COL24A1: variants seen among roughly 807,000 people sequenced by gnomAD.
The protein encoded by COL24A1 is collagen type XXIV alpha 1 chain.
In COL24A1, 224 loss-of-function variants were observed where a neutral mutation model predicts 253.9. That is an observed-to-expected ratio of 0.88 (90% CI 0.79 to 0.99). The LOEUF (loss-of-function observed/expected upper bound fraction) is 0.99, where lower values mean the gene tolerates loss of function less well. Ranked by LOEUF, COL24A1 falls within the 50% of genes least tolerant of loss-of-function variation. COL24A1 has a pLI of 0.00. For synonymous variants in COL24A1, 685 were observed against 673.7 expected, an observed-to-expected ratio of 1.02 and a Z score of -0.26; for missense variants, 2,131 against 2,068.5, an observed-to-expected ratio of 1.03 and a Z score of -0.59.
At chr1:86,016,217 G>A (rs1696979817) in intron 19 of COL24A1, among the ~76,000 whole-genome samples, 1 of 151,930 alleles carries the variant, frequency 6.6e-6, no homozygotes. Context: ...AAATCATACA[G>A]TAAGTAAGAA....
chr1:85,783,041 C>A (rs1314374131), intron 51 of COL24A1, among the ~76,000 whole-genome samples: 1 of 152,134 alleles, frequency 6.6e-6, no homozygotes, highest in East Asian at 1.9e-4. Context: ...TAAGCGGTTC[C>A]TCATCACTCT....
At chr1:86,057,227 C>T (rs1571770815) in intron 10 of COL24A1, among the ~76,000 whole-genome samples, 2 of 152,216 alleles carry the variant, frequency 1.3e-5, no homozygotes, top group African/African-American at 4.8e-5. Context: ...CCCACTCTCG[C>T]CTTGTGACAT....
chr1:85,784,675 G>A (rs1418004468), intron 48 of COL24A1, among the ~76,000 whole-genome samples: 1 of 152,022 alleles, frequency 6.6e-6, no homozygotes, highest in Non-Finnish European at 1.5e-5. Flanking sequence ...GATAGTGAGG[G>A]TGTGGTATGT....
chr1:85,813,284 G>A (rs566359815), intron 47 of COL24A1, among the ~76,000 whole-genome samples: 2 of 152,050 alleles, frequency 1.3e-5, no homozygotes, highest in South Asian at 2.1e-4. Flanking sequence ...GGGAATGAGA[G>A]TGGGGATAAA....
intron 22 of COL24A1, among the ~76,000 whole-genome samples, chr1:85,965,913 G>C (rs140430769): frequency 6.6e-6 from 1 of 152,282 alleles, no homozygotes; most frequent in African/African-American, 2.4e-5. Context: ...AGGTCATGTA[G>C]GGCCTTGCAG....
At position 86,045,367 on chromosome 1, in the gene COL24A1, T is replaced by A. The variant is rs552879947; in HGVS notation, c.1950+1458A>T. On this transcript the variant is annotated intron_variant, in intron 12 of 59. Coordinates refer to ENST00000370571, the MANE Select transcript of COL24A1 (RefSeq NM_152890.7). ...GTAATTCGTGTATTATGGCAGATGA[T>A]TTTATTGGTCCTTTTATTAATAGCA... 2.0e-5 allele frequency among the ~76,000 whole-genome samples: 3 copies of A among 152,256 alleles called. No homozygotes were observed. In the South Asian group the frequency reaches 6.2e-4, roughly 32 times the overall value.
chr1:85,989,443 G>A (rs778446811), intron 19 of COL24A1, among the ~76,000 whole-genome samples: 1 of 151,868 alleles, frequency 6.6e-6, no homozygotes, highest in Non-Finnish European at 1.5e-5. Context: ...CTGTCAGTCT[G>A]AACCACTTTT....
At chr1:86,043,495 G>A (rs931782015) in intron 12 of COL24A1, among the ~76,000 whole-genome samples, 10 of 152,104 alleles carry the variant, frequency 6.6e-5, no homozygotes, top group African/African-American at 2.2e-4. Flanking sequence ...GCACTACAAT[G>A]AAACATCAAT....
At chr1:85,777,248 C>T (rs1668637200) in intron 52 of COL24A1, among the ~76,000 whole-genome samples, 1 of 147,774 alleles carries the variant, frequency 6.8e-6, no homozygotes, top group Non-Finnish European at 1.5e-5. Context: ...GCGCCTGGAC[C>T]CTGATTTTTA....
chr1:85,838,709 A>G (rs932784044), intron 42 of COL24A1, 71 bp from the exon 43 acceptor site: 1 of 1,378,114 alleles, frequency 7.3e-7, no homozygotes, highest in Non-Finnish European at 1.0e-6. Context: ...AGGTGATAAG[A>G]TTAGTGTTGT....
intron 25 of COL24A1, 111 bp from the exon 26 acceptor site, chr1:85,910,114 C>T (rs1213125895): frequency 3.1e-6 from 2 of 641,596 alleles, no homozygotes; most frequent in Non-Finnish European, 5.1e-6. Context: ...TACATGCATA[C>T]ATCATTTTTA....
At chr1:85,779,978 T>C (rs1668987544) in intron 52 of COL24A1, among the ~76,000 whole-genome samples, 1 of 152,194 alleles carries the variant, frequency 6.6e-6, no homozygotes, top group Non-Finnish European at 1.5e-5. Flanking sequence ...ATTAAGTAAT[T>C]TTAAAATTAC....
At chr1:85,925,747 C>G (rs1329986427) in intron 24 of COL24A1, among the ~76,000 whole-genome samples, 2 of 152,132 alleles carry the variant, frequency 1.3e-5, no homozygotes, top group African/African-American at 4.8e-5. Flanking sequence ...CATTACCATC[C>G]AGGCCATAGG....
chr1:86,139,148 A>G (rs1466514191), intron 2 of COL24A1, among the ~76,000 whole-genome samples: 4 of 140,064 alleles, frequency 2.9e-5, no homozygotes. Context: ...ATCACAAGTT[A>G]GAATAAAAGA....
chr1:86,022,313 G>GACAA lies in COL24A1; in HGVS notation c.2203-21_2203-20insTTGT, dbSNP rs2101350237. 1 of 1,599,830 alleles carries GACAA rather than the reference G, an allele frequency of 6.3e-7. No homozygotes were observed. Among genetic ancestry groups the GACAA allele is most frequent in the Non-Finnish European group, 8.6e-7 (1 of 1,167,638 alleles). On this transcript the variant is annotated intron_variant, in intron 17 of 59. Transcript: ENST00000370571. ...AGCACCCTAAGAGAAGAGAATAACAGAAGAGAAAGTTATTATACCACAAAA... is the reference window on the plus strand; with the variant it reads ...AGCACCCTAAGAGAAGAGAATAACAGACAAAAGAGAAAGTTATTATACCACAAAA...
chr1:85,833,442 T>G (rs1056423185), intron 43 of COL24A1, among the ~76,000 whole-genome samples: 1 of 152,034 alleles, frequency 6.6e-6, no homozygotes, highest in African/African-American at 2.4e-5. Flanking sequence ...GTTAGAATGG[T>G]GATCAGTAAA....
At chr1:85,764,452 G>A (rs2101142479) in intron 53 of COL24A1, among the ~76,000 whole-genome samples, 1 of 123,272 alleles carries the variant, frequency 8.1e-6, no homozygotes, top group East Asian at 2.4e-4. Context: ...TCTAGGTGGA[G>A]GATACACACA....
In COL24A1 at chr1:85,800,008, G is replaced by A. The variant is rs552149442; in HGVS notation, c.3952-13547C>T. On this transcript the variant is annotated intron_variant, in intron 47 of 59. Coordinates refer to ENST00000370571, the MANE Select transcript of COL24A1 (RefSeq NM_152890.7). ...GTGCAATGAGCTTTCTGTACCAGTC[G>A]TACATAAAGGGACAGAATCTGTTCT... Among the ~76,000 whole-genome samples, 248 of 152,178 alleles carry A rather than the reference G, an allele frequency of 1.6e-3. 1 individual carries two copies. Among genetic ancestry groups the A allele is most frequent in the African/African-American group, 5.7e-3 (237 of 41,522 alleles).
At chr1:85,989,633 C>A (rs1246800125) in intron 19 of COL24A1, among the ~76,000 whole-genome samples, 1 of 152,140 alleles carries the variant, frequency 6.6e-6, no homozygotes, top group Non-Finnish European at 1.5e-5. Flanking sequence ...CTTTAATACA[C>A]AGTTTACAGG....
Sources: allele counts gnomAD v4.1 joint callset (sites outside exome capture counted in the v4.1 genomes callset), GRCh38; gene constraint gnomAD v4.1.1; transcripts MANE v1.5; gene names NCBI Gene and HGNC (gene_info 2026-07-23, HGNC 2026-07-21).